Variants in BEND2 observed in about 807,000 individuals in gnomAD.
BEND2 encodes the protein BEN domain containing 2.
BEND2 carries 19 observed loss-of-function variants against 43.8 expected under a neutral mutation model. The observed-to-expected ratio is 0.43, with a 90% CI of 0.30 to 0.64. The LOEUF is 0.64. BEND2 is among the 30% of genes least tolerant of loss of function. The probability of loss-of-function intolerance (pLI) is 0.11; values close to 1 mark genes in which losing one functional copy is unlikely to be tolerated. For synonymous variants in BEND2, 226 were observed against 210.1 expected (o/e 1.08, Z -0.66); for missense variants, 544 against 574.0 (o/e 0.95, Z 0.53).
intron 11 of BEND2, among the ~76,000 whole-genome samples, chrX:18,175,398 G>A (rs746144061): frequency 8.9e-6 from 1 of 112,164 alleles, no homozygotes; most frequent in East Asian, 2.8e-4. Context: ...CTAATGGCCC[G>A]GTTGTGGTAA....
chrX:18,219,160 A>G (rs750769862), intron 1 of BEND2, among the ~76,000 whole-genome samples: 8 of 112,051 alleles, frequency 7.1e-5, no homozygotes, highest in East Asian at 2.8e-4. Context: ...AGCACTTGCC[A>G]CAGGCCGGAC....
rs527310610 is a variant in BEND2 at position 18,193,274 on chromosome X, C to T, written c.1180+2022G>A. ...TGGAGGTTGCTGTGAGCCAAGACTG[C>T]GCCACTGCACTCCAGCCTGGGCGAC... On this transcript the variant is annotated intron_variant, in intron 7 of 13. Transcript: ENST00000380033. Among the ~76,000 whole-genome samples the T allele has an allele frequency of 1.4e-4, 16 of 110,723 alleles. No individual in the cohort carries two copies. The South Asian group carries it at 1.9e-3, about 13-fold the overall frequency.
At chrX:18,182,096 C>T (rs1157916816) in intron 8 of BEND2, among the ~76,000 whole-genome samples, 1 of 111,454 alleles carries the variant, frequency 9.0e-6, no homozygotes, top group Non-Finnish European at 1.9e-5. Flanking sequence ...AAAATATATA[C>T]CATGTGATAT....
At chrX:18,187,835 A>G (rs928042036) in intron 8 of BEND2, among the ~76,000 whole-genome samples, 2 of 112,204 alleles carry the variant, frequency 1.8e-5, no homozygotes, top group Non-Finnish European at 3.8e-5. Flanking sequence ...TCTGACTACA[A>G]TGGAATAAAG....
chrX:18,212,622 G>A lies in BEND2; in HGVS notation c.435C>T (p.Tyr145=). ...AATCCACTTCCTCTGAGTTGTAACT[G>A]TATCTTCTTAAATGTACTGGGTGGT... ...QINHPVHLRR[Y]SYNSEEVDFP... The change falls in exon 4 of 14, where the codon TAC becomes TAT. Residue 145 remains tyrosine, a synonymous_variant. Coordinates refer to ENST00000380033, the MANE Select transcript of BEND2 (RefSeq NM_153346.5). 8.3e-7 allele frequency: 1 copy of A among 1,209,953 alleles called. No individual in the cohort carries two copies. The highest frequency in any genetic ancestry group is 1.1e-6 in the Non-Finnish European group (1 of 894,129).
chrX:18,184,018 G>A (rs1292977162), intron 8 of BEND2, among the ~76,000 whole-genome samples: 2 of 111,438 alleles, frequency 1.8e-5, no homozygotes, highest in Admixed American at 9.5e-5. Context: ...GCAAACACAC[G>A]CTGTAGCCAG....
intron 1 of BEND2, among the ~76,000 whole-genome samples, chrX:18,219,029 C>G (rs180829494): frequency 8.9e-6 from 1 of 111,749 alleles, no homozygotes; most frequent in African/African-American, 3.3e-5. Context: ...CACAGCAAAA[C>G]GGGGCCAATT....
intron 4 of BEND2, among the ~76,000 whole-genome samples, chrX:18,205,138 C>T (rs755169948): frequency 3.6e-5 from 4 of 110,664 alleles, no homozygotes; most frequent in Non-Finnish European, 7.6e-5. Flanking sequence ...TACACAGAAA[C>T]TTTGGGCAAA....
intron 13 of BEND2, among the ~76,000 whole-genome samples, chrX:18,167,205 C>A (rs931045424): frequency 9.2e-6 from 1 of 108,704 alleles, no homozygotes; most frequent in African/African-American, 3.4e-5. Context: ...CATTTGAGCT[C>A]GGGAGATCAA....
intron 6 of BEND2, among the ~76,000 whole-genome samples, chrX:18,199,375 A>G (rs1925065715): frequency 1.8e-5 from 2 of 111,131 alleles, no homozygotes; most frequent in South Asian, 7.7e-4. Context: ...AAAGAACAAT[A>G]TGAAGGATCT....
At chrX:18,179,179 G>GTTTT (rs1164362773) in intron 9 of BEND2, among the ~76,000 whole-genome samples, 59 of 58,346 alleles carry the variant, frequency 1.0e-3, no homozygotes, top group Non-Finnish European at 1.2e-3. Flanking sequence ...TTTTGTTTCT[G>GTTTT]TTTTTTTTTT....
intron 1 of BEND2, among the ~76,000 whole-genome samples, chrX:18,219,620 C>T (rs1348570465): frequency 8.9e-6 from 1 of 112,758 alleles, no homozygotes; most frequent in African/African-American, 3.2e-5. Context: ...AGACTCAAAG[C>T]TCTCACCCAG....
chrX:18,174,356 G>A (rs1924076398), intron 11 of BEND2, 98 bp from the exon 12 acceptor site: 2 of 722,082 alleles, frequency 2.8e-6, no homozygotes, highest in Admixed American at 5.8e-5. Flanking sequence ...TGCTAGGGAA[G>A]CAACTGACTC....
chrX:18,190,965 G>C (rs1399069615), intron 8 of BEND2, 36 bp downstream of exon 8: 1 of 1,093,458 alleles, frequency 9.1e-7, no homozygotes, highest in East Asian at 3.0e-5. Flanking sequence ...CTAGATTAAA[G>C]AGTGCTACTT....
Position 18,176,084 on chromosome X carries a change from GC to G in BEND2, c.1639del (p.Ala547GlnfsTer26). 8.4e-7 allele frequency: 1 copy of G among 1,191,455 alleles called. No individual in the cohort carries two copies. On this transcript the variant is annotated frameshift_variant, in exon 11 of 14. Coordinates refer to ENST00000380033, the MANE Select transcript of BEND2 (RefSeq NM_153346.5). LOFTEE classifies it high-confidence loss of function. ...NKMAALREYL[A>X]TTFPTCDLHE... is the part of the protein sequence containing the mutation. ...CAAATCACAGGTGGGAAAAGTTGTT[GC>G]CAGATATTCTGCAAACAGCAGAAAG...
intron 12 of BEND2, among the ~76,000 whole-genome samples, chrX:18,171,958 C>T (rs1305031470): frequency 9.0e-6 from 1 of 111,252 alleles, no homozygotes; most frequent in Non-Finnish European, 1.9e-5. Context: ...GTTCACTTTA[C>T]ATATTGTATC....
chrX:18,171,719 C>T (rs761156838), intron 12 of BEND2, among the ~76,000 whole-genome samples: 4 of 111,876 alleles, frequency 3.6e-5, no homozygotes, highest in Non-Finnish European at 7.5e-5. Context: ...ACACATGCTA[C>T]CATGGTTCAA....
intron 2 of BEND2, among the ~76,000 whole-genome samples, chrX:18,215,874 TA>T (rs1251603109): frequency 8.9e-6 from 1 of 111,769 alleles, no homozygotes; most frequent in Non-Finnish European, 1.9e-5. Context: ...TCCAAGGAGT[TA>T]ACGTCTCATG....
At chrX:18,174,971 C>A (rs1399092551) in intron 11 of BEND2, among the ~76,000 whole-genome samples, 1 of 111,290 alleles carries the variant, frequency 9.0e-6, no homozygotes, top group Non-Finnish European at 1.9e-5. Flanking sequence ...GGGCTGTGGA[C>A]CTACTCTGAG....
Sources: allele counts gnomAD v4.1 joint callset (sites outside exome capture counted in the v4.1 genomes callset), GRCh38; gene constraint gnomAD v4.1.1; transcripts MANE v1.5; gene names NCBI Gene and HGNC (gene_info 2026-07-23, HGNC 2026-07-21).